The following OR9Q1 variants were observed in gnomAD, a reference collection of about 807,000 sequenced individuals.
OR9Q1 encodes the protein olfactory receptor 9Q1.
For synonymous variants in OR9Q1, 153 were observed against 148.6 expected (o/e 1.03, Z -0.22); for missense variants, 374 against 378.8 (o/e 0.99, Z 0.11).
At chr11:58,109,697 T>C (rs1183994383) in intron 2 of OR9Q1, 2 of 401,782 alleles carry the variant, frequency 5.0e-6, no homozygotes, top group East Asian at 1.4e-4. Context: ...AAGAAGATAA[T>C]GAAATTGAGA....
chr11:58,076,046 T>A (rs1410526259), intron 2 of OR9Q1, among the ~76,000 whole-genome samples: 7 of 152,226 alleles, frequency 4.6e-5, no homozygotes, highest in Non-Finnish European at 7.3e-5. Flanking sequence ...GGCTGCTTTC[T>A]CACTAGAATG....
chr11:58,155,405 A>G (rs1377419092), intron 2 of OR9Q1, among the ~76,000 whole-genome samples: 2 of 151,992 alleles, frequency 1.3e-5, no homozygotes, highest in Non-Finnish European at 1.5e-5. Context: ...TCATACAGAA[A>G]ATGAACCACA....
intron 2 of OR9Q1, among the ~76,000 whole-genome samples, chr11:58,058,374 C>CA (rs770140304): frequency 6.6e-6 from 1 of 152,162 alleles, no homozygotes; most frequent in Non-Finnish European, 1.5e-5. Context: ...TAATCCAGAC[C>CA]ACCTGTATCC....
chr11:58,024,951 T>A (rs2514184), intron 1 of OR9Q1, among the ~76,000 whole-genome samples: 27,106 of 152,096 alleles, frequency 0.18, 2,527 homozygotes, highest in South Asian at 0.23. Flanking sequence ...GCTTTTTTTG[T>A]CAGAAGCTCT....
At chr11:58,035,898 A>T (rs1021787077) in intron 1 of OR9Q1, among the ~76,000 whole-genome samples, 2 of 151,946 alleles carry the variant, frequency 1.3e-5, no homozygotes, top group African/African-American at 4.8e-5. Flanking sequence ...GTATATGAAC[A>T]TACTTTATTT....
chr11:58,090,859 GT>G (rs1258059227), intron 2 of OR9Q1, among the ~76,000 whole-genome samples: 1 of 152,016 alleles, frequency 6.6e-6, no homozygotes, highest in African/African-American at 2.4e-5. Flanking sequence ...CTTCTTTCTG[GT>G]TTAGTCTTTG....
At chr11:58,047,693 GA>G (rs1283557625) in intron 1 of OR9Q1, 5 of 145,118 alleles carry the variant, frequency 3.4e-5, no homozygotes, top group Admixed American at 2.1e-4. Flanking sequence ...CCAACATGGT[GA>G]AACCTCATCT....
intron 1 of OR9Q1, among the ~76,000 whole-genome samples, chr11:58,040,412 C>T (rs971221112): frequency 3.3e-5 from 5 of 152,158 alleles, no homozygotes; most frequent in African/African-American, 1.2e-4. Flanking sequence ...GGACATGAAC[C>T]AGGTCTGGCT....
At chr11:58,090,286 T>G (rs1213903211) in intron 2 of OR9Q1, among the ~76,000 whole-genome samples, 5 of 152,226 alleles carry the variant, frequency 3.3e-5, no homozygotes, top group Non-Finnish European at 5.9e-5. Context: ...TGTGGTTTTG[T>G]CATAAATAGC....
chr11:58,101,373 T>C (rs1041848112), intron 2 of OR9Q1, among the ~76,000 whole-genome samples: 4 of 152,206 alleles, frequency 2.6e-5, no homozygotes, highest in African/African-American at 4.8e-5. Context: ...TTAATTTGCA[T>C]TTGTCTAATG....
Position 58,180,642 on chromosome 11 carries a change from C to T in OR9Q1, c.*265C>T. The T allele has an allele frequency of 3.1e-6, 1 of 323,048 alleles. No homozygotes were observed. The highest frequency in any genetic ancestry group is 5.9e-6 in the Non-Finnish European group (1 of 168,108). 20.0% of individuals were successfully genotyped at this position (323,048 alleles called of 1,614,324 possible). On this transcript the variant is annotated 3_prime_UTR_variant, in exon 3 of 3. Coordinates refer to ENST00000335397, the MANE Select transcript of OR9Q1 (RefSeq NM_001005212.4). ...GCCTGTGCAATCCAAATATGGCACA[C>T]TTCACCTGTCTGTGATTATAAGAGT... is the stretch of plus-strand genomic sequence containing the variant.
intron 2 of OR9Q1, among the ~76,000 whole-genome samples, chr11:58,099,525 AC>A (rs1853764053): frequency 6.6e-6 from 1 of 151,890 alleles, no homozygotes; most frequent in African/African-American, 2.4e-5. Context: ...TAATATAGGC[AC>A]CCTGGCTTTC....
At chr11:58,084,771 A>G (rs1352912449) in intron 2 of OR9Q1, among the ~76,000 whole-genome samples, 3 of 151,898 alleles carry the variant, frequency 2.0e-5, no homozygotes, top group Admixed American at 6.6e-5. Context: ...TCGACAGACT[A>G]GGCATCAAAG....
At chr11:58,174,363 C>T (rs548344791) in intron 2 of OR9Q1, among the ~76,000 whole-genome samples, 3 of 152,108 alleles carry the variant, frequency 2.0e-5, no homozygotes, top group Admixed American at 1.3e-4. Flanking sequence ...GAGCCCAAGC[C>T]CAGCCTAAAT....
chr11:58,179,040 G>GAGAGAGAGAGAGAGAGAGAGAGA (rs1554973101), intron 2 of OR9Q1, among the ~76,000 whole-genome samples: 1 of 149,154 alleles, frequency 6.7e-6, no homozygotes, highest in Admixed American at 6.7e-5. Flanking sequence ...GAGAGAGACA[G>GAGAGAGAGAGAGAGAGAGAGAGA]GCTCTCACTC....
chr11:58,121,287 G>A (rs570412116), intron 2 of OR9Q1, among the ~76,000 whole-genome samples: 20 of 152,180 alleles, frequency 1.3e-4, no homozygotes, highest in East Asian at 5.8e-4. Context: ...GAGTCACCTC[G>A]TAATACTGCA....
chr11:58,111,766 T>C (rs930735328), intron 2 of OR9Q1, among the ~76,000 whole-genome samples: 4 of 152,204 alleles, frequency 2.6e-5, no homozygotes, highest in Admixed American at 6.5e-5. Flanking sequence ...ATGACTCATT[T>C]TGGAACTTTC....
chr11:58,163,617 T>TA (rs1854475330), intron 2 of OR9Q1, among the ~76,000 whole-genome samples: 1 of 152,258 alleles, frequency 6.6e-6, no homozygotes, highest in Admixed American at 6.5e-5. Flanking sequence ...CCCTAAGGTT[T>TA]TCTTTGTGTT....
chr11:58,100,382 G>A (rs1292818222), intron 2 of OR9Q1, among the ~76,000 whole-genome samples: 2 of 152,080 alleles, frequency 1.3e-5, no homozygotes, highest in African/African-American at 4.8e-5. Context: ...ACTTGCAATG[G>A]TATAATTCCG....
Sources: gnomAD v4.1 joint callset for allele counts (sites outside exome capture counted in the v4.1 genomes callset) on GRCh38, gnomAD v4.1.1 for gene constraint, MANE v1.5 for transcripts, NCBI Gene and HGNC (gene_info 2026-07-23, HGNC 2026-07-21) for gene names.